Variants in ZBTB47 observed in about 807,000 individuals in gnomAD.
ZBTB47 encodes the protein zinc finger and BTB domain containing 47, also known as zinc finger and BTB domain-containing protein 47.
Under a neutral mutation model 56.6 loss-of-function variants are expected in ZBTB47, and 24 were observed. The ratio of observed to expected loss-of-function variants is 0.42; its 90% confidence interval spans 0.31 to 0.60. ZBTB47 has a LOEUF of 0.60. Ranked by LOEUF, ZBTB47 falls within the 20% of genes least tolerant of loss-of-function variation. The pLI, the probability that ZBTB47 is intolerant of heterozygous loss-of-function variation, is 0.14. For synonymous variants in ZBTB47, 414 were observed against 418.9 expected, an observed-to-expected ratio of 0.99 and a Z score of 0.14; for missense variants, 829 against 1,032.6, an observed-to-expected ratio of 0.80 and a Z score of 2.70.
chr3:42,661,743 C>A, intron 3 of ZBTB47, 111 bp downstream of exon 3: 1 of 1,428,420 alleles, frequency 7.0e-7, no homozygotes, highest in Non-Finnish European at 9.4e-7. Flanking sequence ...GTGAGGAGGC[C>A]CCTCTCAGCT....
Position 42,659,737 on chromosome 3 carries a change from G to C in ZBTB47, c.1382G>C (p.Arg461Pro). The C allele has an allele frequency of 6.2e-7, 1 of 1,613,800 alleles. No individual in the cohort carries two copies. Among genetic ancestry groups the C allele is most frequent in the Non-Finnish European group, 8.5e-7 (1 of 1,179,820 alleles). ...AAACACATGAATGTGACCCACAGCC[G>C]CATGCAGATCTGCGACCAGTGCGGC... ...LEKHMNVTHS[R>P]MQICDQCGKR... The change falls in exon 2 of 6, where the codon CGC becomes CCC. Residue 461 changes from arginine to proline, a missense_variant. Arg to Pro is a moderately radical substitution (Grantham distance 103). Coordinates refer to ENST00000232974, the MANE Select transcript of ZBTB47 (RefSeq NM_145166.4).
rs1408267798 is a variant in ZBTB47, at chr3:42,663,249, G to A, written c.1737+122G>A. 1.4e-6 allele frequency: 1 copy of A among 728,844 alleles called. No homozygotes were observed. The highest frequency in any genetic ancestry group is 2.4e-6 in the Non-Finnish European group (1 of 425,218). 45.1% of individuals were successfully genotyped at this position (728,844 alleles called of 1,614,324 possible). ...GGAATGTAGTGTCCAGAAAGAGAGAGCCCTGCCCTCTGAGGTCTGCAGCCC... is the reference window on the plus strand; with the variant it reads ...GGAATGTAGTGTCCAGAAAGAGAGAACCCTGCCCTCTGAGGTCTGCAGCCC... On this transcript the variant is annotated intron_variant, in intron 4 of 5. Transcript: ENST00000232974. The surrounding 1 kb of genome is among the most constrained non-coding windows in gnomAD (Gnocchi z 5.1).
intron 5 of ZBTB47, 48 bp from the exon 6 acceptor site, chr3:42,664,189 G>A: frequency 6.2e-7 from 1 of 1,601,562 alleles, no homozygotes; most frequent in Non-Finnish European, 8.5e-7. Context: ...CCAGACTGGG[G>A]TGTGGCGACC....
rs1285970816 is a variant in ZBTB47 at position 42,666,079 on chromosome 3, T to A, written c.*1481T>A. On this transcript the variant is annotated 3_prime_UTR_variant, in exon 6 of 6. Coordinates refer to ENST00000232974, the MANE Select transcript of ZBTB47 (RefSeq NM_145166.4). ...TAGGGGGACTGAACCCCTCTGACCT[T>A]ATGAGGCCCATGGCACTGGGGCAGG... Among the ~76,000 whole-genome samples the A allele has an allele frequency of 3.3e-5, 5 of 152,192 alleles. No homozygotes were observed. The highest frequency in any genetic ancestry group is 1.3e-4 in the Admixed American group (2 of 15,294).
Position 42,654,736 on chromosome 3 carries a change from C to T in ZBTB47, c.-82+853C>T, listed in dbSNP as rs1710616134. ...CCTGTCCCCCCGCTTATCCGCCCAC[C>T]TGCCAGCTCTGACCTCCCAGGCACA... On this transcript the variant is annotated intron_variant, in intron 1 of 5. Coordinates refer to ENST00000232974, the MANE Select transcript of ZBTB47 (RefSeq NM_145166.4). This position sits in a 1 kb window ranked among gnomAD's most constrained non-coding sequence, Gnocchi z 5.0. 1 of 984,916 alleles carries T rather than the reference C, an allele frequency of 1.0e-6. No individual in the cohort carries two copies. The highest frequency in any genetic ancestry group is 1.7e-5 in the African/African-American group (1 of 57,208). 61.0% of individuals were successfully genotyped at this position (984,916 alleles called of 1,614,324 possible). A position where few individuals can be genotyped will look rare whatever the true frequency, so the allele number is the denominator to read the frequency against.
chr3:42,658,886 A>T lies in ZBTB47; in HGVS notation c.531A>T (p.Thr177=). Reference sequence around the variant, plus strand: ...ACGGGGCAGGGACTGCTGGTGGCACAGTGCCTGCCACCATTGGGCCAGCCC... The same window carrying T: ...ACGGGGCAGGGACTGCTGGTGGCACTGTGCCTGCCACCATTGGGCCAGCCC... ...VEDGAGTAGG[T]VPATIGPAQP... The change falls in exon 2 of 6, where the codon ACA becomes ACT. Residue 177 remains threonine, a synonymous_variant. Coordinates refer to ENST00000232974, the MANE Select transcript of ZBTB47 (RefSeq NM_145166.4). 1.3e-6 allele frequency: 2 copies of T among 1,512,864 alleles called. No homozygotes were observed. Among genetic ancestry groups the T allele is most frequent in the Non-Finnish European group, 1.8e-6 (2 of 1,134,488 alleles). The allele number at this position is 1,512,864 out of a possible 1,614,324, so 93.7% of individuals were successfully genotyped here.
intron 1 of ZBTB47, among the ~76,000 whole-genome samples, chr3:42,655,832 G>T (rs1259938522): frequency 6.6e-6 from 1 of 152,264 alleles, no homozygotes; most frequent in Non-Finnish European, 1.5e-5. Flanking sequence ...GGATGGTGCT[G>T]CCTTGGCTGA....
chr3:42,659,921 A>G (rs1033992681), intron 2 of ZBTB47, 93 bp downstream of exon 2: 2 of 1,447,200 alleles, frequency 1.4e-6, no homozygotes, highest in South Asian at 1.4e-5. Flanking sequence ...TGCTGACTGC[A>G]TTACCTAGGT....
At position 42,665,542 on chromosome 3, in the gene ZBTB47, C is replaced by T. The variant is rs561891829; in HGVS notation, c.*944C>T. 1 of 153,012 alleles carries T rather than the reference C, an allele frequency of 6.5e-6. No individual in the cohort carries two copies. Among genetic ancestry groups the T allele is most frequent in the African/African-American group, 2.4e-5 (1 of 41,568 alleles). The allele number at this position is 153,012 out of a possible 1,614,324, so 9.5% of individuals were successfully genotyped here. ...CTGCTCACAGAGCACCCCAGTTCCT[C>T]ACCAGCTACTCTGGCCATATATCCC... is the stretch of plus-strand genomic sequence containing the variant. On this transcript the variant is annotated 3_prime_UTR_variant, in exon 6 of 6. Transcript: ENST00000232974.
chr3:42,666,073 T>C lies in ZBTB47; in HGVS notation c.*1475T>C, dbSNP rs796558626. On this transcript the variant is annotated 3_prime_UTR_variant, in exon 6 of 6. Transcript: ENST00000232974. ...AATGGTTAGGGGGACTGAACCCCTCTGACCTTATGAGGCCCATGGCACTGG... is the reference window on the plus strand; with the variant it reads ...AATGGTTAGGGGGACTGAACCCCTCCGACCTTATGAGGCCCATGGCACTGG... 5.9e-5 allele frequency among the ~76,000 whole-genome samples: 9 copies of C among 152,332 alleles called. No individual in the cohort carries two copies. The highest frequency in any genetic ancestry group is 1.9e-4 in the East Asian group (1 of 5,182).
chr3:42,658,850 G>T lies in ZBTB47; in HGVS notation c.495G>T (p.Val165=), dbSNP rs987312630. The T allele has an allele frequency of 1.3e-6, 2 of 1,531,620 alleles. No homozygotes were observed. The highest frequency in any genetic ancestry group is 2.7e-5 in the African/African-American group (2 of 72,980). The allele number at this position is 1,531,620 out of a possible 1,614,324, so 94.9% of individuals were successfully genotyped here. The part of the protein sequence containing the change: ...YAREGPDPYS[V]RVEDGAGTAG... ...GCGAGGGCCCTGACCCTTACTCGGT[G>T]CGTGTTGAGGACGGGGCAGGGACTG... is the stretch of plus-strand genomic sequence containing the variant. Residue 165 remains valine, a synonymous_variant, in exon 2 of 6, where the codon GTG becomes GTT. Transcript: ENST00000232974.
In ZBTB47 at chr3:42,658,516, G is replaced by A. The variant is rs913695888; in HGVS notation, c.161G>A (p.Arg54His). ...SLFTQNKQLQ[R>H]VELSLEALAP... ...TTCACCCAGAACAAGCAGCTGCAGC[G>A]TGTGGAGCTGTCCCTGGAGGCACTG... Residue 54 changes from arginine (R) to histidine (H), a missense_variant, in exon 2 of 6, where the codon CGT (arginine) becomes CAT (histidine). Coordinates refer to ENST00000232974, the MANE Select transcript of ZBTB47 (RefSeq NM_145166.4). 5.9e-6 allele frequency: 9 copies of A among 1,537,100 alleles called. No individual in the cohort carries two copies. Among genetic ancestry groups the A allele is most frequent in the Middle Eastern group, 1.7e-4 (1 of 6,012 alleles).
chr3:42,664,434 G>T lies in ZBTB47; in HGVS notation c.2080G>T (p.Val694Phe). 1 of 1,537,318 alleles carries T rather than the reference G, an allele frequency of 6.5e-7. No individual in the cohort carries two copies. ...CAGCCACACCCTGGCCGGCGACGGC[G>T]TCCCCGCTGCCCCAGGCCTGCCCCC... is the stretch of plus-strand genomic sequence containing the variant. ...RVSHTLAGDG[V>F]PAAPGLPPTQ... Residue 694 changes from valine (V) to phenylalanine (F), a missense_variant, in exon 6 of 6, where the codon GTC becomes TTC. Coordinates refer to ENST00000232974, the MANE Select transcript of ZBTB47 (RefSeq NM_145166.4).
chr3:42,653,123 T>C (rs1452570138), upstream of ZBTB47, among the ~76,000 whole-genome samples: 2 of 152,158 alleles, frequency 1.3e-5, no homozygotes, highest in Non-Finnish European at 2.9e-5. Context: ...AGCTCTGGGA[T>C]AGCCTTATCC....
chr3:42,662,718 A>T (rs1161624962), intron 3 of ZBTB47, among the ~76,000 whole-genome samples: 4 of 152,154 alleles, frequency 2.6e-5, no homozygotes, highest in Admixed American at 2.6e-4. Flanking sequence ...GGGTCCTTCC[A>T]TCCTTCCCTG....
Position 42,667,279 on chromosome 3 carries a change from G to A in ZBTB47, c.*2681G>A, listed in dbSNP as rs916845430. Reference sequence around the variant, plus strand: ...GCTAGAACTCAGGCCTGGAGTCTGGGTCTGCCCCCTCCCCGGCTCCTTGGG... The same window carrying A: ...GCTAGAACTCAGGCCTGGAGTCTGGATCTGCCCCCTCCCCGGCTCCTTGGG... On this transcript the variant is annotated 3_prime_UTR_variant, in exon 6 of 6. Coordinates refer to ENST00000232974, the MANE Select transcript of ZBTB47 (RefSeq NM_145166.4). Among the ~76,000 whole-genome samples the A allele has an allele frequency of 6.6e-6, 1 of 152,194 alleles. No homozygotes were observed. Among genetic ancestry groups the A allele is most frequent in the Non-Finnish European group, 1.5e-5 (1 of 68,040 alleles).
At chr3:42,662,577 T>A (rs577856658) in intron 3 of ZBTB47, among the ~76,000 whole-genome samples, 242 of 152,312 alleles carry the variant, frequency 1.6e-3, no homozygotes, top group Middle Eastern at 3.4e-3. Flanking sequence ...ATGTCCCCTC[T>A]AAAGCCCACC....
At chr3:42,653,567 T>A (rs550092427), upstream of ZBTB47, 1 of 152,596 alleles carries the variant, frequency 6.6e-6, no homozygotes, top group East Asian at 1.9e-4. Context: ...TGCTGCCTGC[T>A]CAGCCTGGCA....
Position 42,659,529 on chromosome 3 carries a change from G to C in ZBTB47, c.1174G>C (p.Glu392Gln). ...RENARRRGTPEPEEAGRRGGK... is the reference protein window; with the variant it reads ...RENARRRGTPQPEEAGRRGGK... ...GAACGCCCGGCGCCGGGGTACCCCT[G>C]AACCTGAAGAAGCTGGGCGGCGGGG... is the stretch of plus-strand genomic sequence containing the variant. Residue 392 changes from glutamate (E) to glutamine (Q), a missense_variant, in exon 2 of 6, where the codon GAA (glutamate) becomes CAA (glutamine). This residue lies in a region of ZBTB47 where 359 missense variants were observed against 359.8 expected (regional missense o/e 1.00). Transcript: ENST00000232974. 1 of 1,562,980 alleles carries C rather than the reference G, an allele frequency of 6.4e-7. No individual in the cohort carries two copies.
Sources: allele counts gnomAD v4.1 joint callset (sites outside exome capture counted in the v4.1 genomes callset), GRCh38; gene constraint gnomAD v4.1.1; regional missense constraint gnomAD v4.1.1; non-coding constraint Gnocchi (gnomAD v3.1); transcripts MANE v1.5; gene names NCBI Gene and HGNC (gene_info 2026-07-23, HGNC 2026-07-21).